HLCS: variants seen among roughly 807,000 people sequenced by gnomAD.
HLCS encodes the protein holocarboxylase synthetase.
Under a neutral mutation model 75.0 loss-of-function variants are expected in HLCS, and 53 were observed. The ratio of observed to expected loss-of-function variants is 0.71; its 90% CI spans 0.57 to 0.89. HLCS has a LOEUF of 0.89. Ranked by LOEUF, HLCS falls within the 40% of genes least tolerant of loss-of-function variation. The pLI, the probability that HLCS is intolerant of heterozygous loss-of-function variation, is 0.00. For missense variants in HLCS, 966 were observed against 1,074.0 expected, an observed-to-expected ratio of 0.90 and a Z score of 1.41; for synonymous variants, 431 against 428.6, an observed-to-expected ratio of 1.01 and a Z score of -0.07.
At chr21:36,986,731 C>T (rs1264384727) in intron 1 of HLCS, 5 of 152,206 alleles carry the variant, frequency 3.3e-5, no homozygotes, top group Middle Eastern at 3.4e-3. Context: ...AATGTGGTAA[C>T]GTTTTCTGTA....
At chr21:36,822,174 T>TA (rs536570672) in intron 6 of HLCS, among the ~76,000 whole-genome samples, 122 of 152,174 alleles carry the variant, frequency 8.0e-4, no homozygotes, top group African/African-American at 2.8e-3. Flanking sequence ...GTAATCCCAG[T>TA]ACTTTGGGAG....
chr21:36,871,022 TATATC>T (rs2063751349), intron 6 of HLCS, among the ~76,000 whole-genome samples: 1 of 152,182 alleles, frequency 6.6e-6, no homozygotes, highest in South Asian at 2.1e-4. Context: ...CGCTGCTAAT[TATATC>T]TTTTCTTTTT....
rs543302475 is a variant in HLCS, at chr21:36,939,681, A to G, written c.331-687T>C. Among the ~76,000 whole-genome samples the G allele has an allele frequency of 7.9e-5, 12 of 152,282 alleles. No individual in the cohort carries two copies. The South Asian group carries it at 2.5e-3, about 32-fold the overall frequency. On this transcript the variant is annotated intron_variant, in intron 2 of 10. Coordinates refer to ENST00000674895, the MANE Select transcript of HLCS (RefSeq NM_001352514.2). ...CACCCGGCTTAGCCTTCCAGTTCTT[A>G]CTACAGAAGACCGTGACACTGGGGC...
rs191523766 is a variant in HLCS at position 36,832,769 on chromosome 21, C to T, written c.1892+64091G>A. ...CTTTCTCTCATTTAGCAATATCATG[C>T]TAATTCAAGAGTCAGTAAAATGTGT... On this transcript the variant is annotated intron_variant, in intron 6 of 10. Transcript: ENST00000674895. Among the ~76,000 whole-genome samples, 10 of 152,296 alleles carry T rather than the reference C, an allele frequency of 6.6e-5. No homozygotes were observed. The East Asian group carries it at 1.9e-3, about 29-fold the overall frequency.
intron 6 of HLCS, among the ~76,000 whole-genome samples, chr21:36,794,958 T>G (rs1475306546): frequency 6.6e-6 from 1 of 151,926 alleles, no homozygotes; most frequent in Non-Finnish European, 1.5e-5. Flanking sequence ...AAGCATAAGA[T>G]GCCTATGAGA....
At chr21:36,977,638 G>A (rs528092457) in intron 1 of HLCS, among the ~76,000 whole-genome samples, 7 of 152,326 alleles carry the variant, frequency 4.6e-5, no homozygotes, top group South Asian at 2.1e-4. Flanking sequence ...GTGAGTTGCC[G>A]TTTGTGTAGT....
At chr21:36,833,661 G>T (rs2062299988) in intron 6 of HLCS, among the ~76,000 whole-genome samples, 1 of 149,114 alleles carries the variant, frequency 6.7e-6, no homozygotes, top group Non-Finnish European at 1.5e-5. Context: ...ATTCAGTAAA[G>T]GCAGAATAAG....
chr21:36,932,806 A>G (rs568206352), intron 4 of HLCS, among the ~76,000 whole-genome samples: 13 of 152,350 alleles, frequency 8.5e-5, no homozygotes, highest in African/African-American at 3.1e-4. Context: ...CAAGCCAAAT[A>G]TACTAACCAA....
intron 6 of HLCS, among the ~76,000 whole-genome samples, chr21:36,829,661 A>G (rs2062130002): frequency 6.6e-6 from 1 of 152,182 alleles, no homozygotes. Flanking sequence ...TGTTTCTAGT[A>G]TCAAAATAAA....
chr21:36,901,699 G>A (rs920436116), intron 5 of HLCS, among the ~76,000 whole-genome samples: 7 of 152,136 alleles, frequency 4.6e-5, no homozygotes, highest in Non-Finnish European at 1.0e-4. Context: ...TAAGTGTCCC[G>A]ATTCTGTGTG....
chr21:36,792,475 G>GGGGGAGGGAAGGGAGAC, intron 6 of HLCS, among the ~76,000 whole-genome samples: 1 of 149,214 alleles, frequency 6.7e-6, no homozygotes, highest in Non-Finnish European at 1.5e-5. Context: ...GGAAGGGAGA[G>GGGGGAGGGAAGGGAGAC]GGGGAGGGAA....
intron 2 of HLCS, among the ~76,000 whole-genome samples, chr21:36,949,019 C>T (rs945258305): frequency 6.6e-5 from 10 of 152,074 alleles, no homozygotes; most frequent in African/African-American, 9.7e-5. Context: ...TGTAGACAGC[C>T]GATACACCGC....
intron 6 of HLCS, among the ~76,000 whole-genome samples, chr21:36,843,596 C>T (rs528944401): frequency 2.6e-5 from 4 of 152,272 alleles, no homozygotes; most frequent in Admixed American, 6.5e-5. Context: ...AGGCATACAT[C>T]ATATCCTACT....
intron 6 of HLCS, among the ~76,000 whole-genome samples, chr21:36,787,700 G>A (rs1474905632): frequency 6.6e-6 from 1 of 152,142 alleles, no homozygotes; most frequent in African/African-American, 2.4e-5. Context: ...CCTGGTCAGA[G>A]CCGCTCGACC....
intron 6 of HLCS, among the ~76,000 whole-genome samples, chr21:36,884,804 G>T (rs1015435706): frequency 9.2e-5 from 14 of 152,060 alleles, no homozygotes; most frequent in South Asian, 4.2e-4. Context: ...AACATCTGGG[G>T]TTTTTTTTAG....
At chr21:36,856,811 C>T (rs2063211018) in intron 6 of HLCS, among the ~76,000 whole-genome samples, 1 of 152,180 alleles carries the variant, frequency 6.6e-6, no homozygotes, top group South Asian at 2.1e-4. Context: ...GTGCATGAAA[C>T]AGCTAATGTA....
intron 6 of HLCS, among the ~76,000 whole-genome samples, chr21:36,826,661 A>G (rs2062018172): frequency 6.6e-6 from 1 of 152,228 alleles, no homozygotes; most frequent in South Asian, 2.1e-4. Flanking sequence ...CATTTTCTAG[A>G]ATGGCTGTAT....
intron 6 of HLCS, among the ~76,000 whole-genome samples, chr21:36,800,289 T>C (rs2061158539): frequency 6.6e-6 from 1 of 152,140 alleles, no homozygotes; most frequent in South Asian, 2.1e-4. Flanking sequence ...TGGGCACACT[T>C]AGAATGCACT....
At chr21:36,837,730 T>C (rs1411186099) in intron 6 of HLCS, among the ~76,000 whole-genome samples, 4 of 152,130 alleles carry the variant, frequency 2.6e-5, no homozygotes, top group Non-Finnish European at 5.9e-5. Context: ...TTTAGGGAAA[T>C]TTGCAAGTCG....
Sources: allele counts gnomAD v4.1 joint callset (sites outside exome capture counted in the v4.1 genomes callset), GRCh38; gene constraint gnomAD v4.1.1; transcripts MANE v1.5; gene names NCBI Gene and HGNC (gene_info 2026-07-23, HGNC 2026-07-21).